The following PHACTR1 variants were observed in gnomAD, a reference collection of about 807,000 sequenced individuals.
PHACTR1 encodes phosphatase and actin regulator 1, also known as RPEL repeat containing 1.
In PHACTR1, 16 loss-of-function variants were observed where a neutral mutation model predicts 69.2. The observed-to-expected ratio is 0.23, with a 90% CI of 0.16 to 0.35. PHACTR1 has a LOEUF of 0.35. Ranked by LOEUF, PHACTR1 falls within the 10% of genes least tolerant of loss-of-function variation. The pLI is 1.00. For synonymous variants in PHACTR1, 312 were observed against 284.5 expected (o/e 1.10, Z -0.97); for missense variants, 510 against 734.7 (o/e 0.69, Z 3.54).
intron 4 of PHACTR1, chr6:12,957,867 G>A: frequency 1.0e-6 from 1 of 985,502 alleles, no homozygotes; most frequent in African/African-American, 1.7e-5. Flanking sequence ...AGGCGAAGGG[G>A]CTGCCTGGCA....
At chr6:13,067,945 C>G (rs1314353881) in intron 5 of PHACTR1, among the ~76,000 whole-genome samples, 4 of 152,092 alleles carry the variant, frequency 2.6e-5, no homozygotes, top group Non-Finnish European at 4.4e-5. Context: ...AACTCTGGAG[C>G]CTGACTGCTG....
chr6:12,922,980 T>C (rs114831231), intron 4 of PHACTR1, among the ~76,000 whole-genome samples: 2,213 of 152,356 alleles, frequency 0.015, 49 homozygotes, highest in African/African-American at 0.05. Flanking sequence ...AAATACTTAC[T>C]GAATGTTTTC....
intron 4 of PHACTR1, among the ~76,000 whole-genome samples, chr6:13,049,547 A>G (rs753007364): frequency 6.6e-6 from 1 of 152,190 alleles, no homozygotes; most frequent in Non-Finnish European, 1.5e-5. Context: ...TTGAGAATCA[A>G]AGAATGATAG....
intron 3 of PHACTR1, among the ~76,000 whole-genome samples, chr6:12,746,978 A>G (rs1581562112): frequency 6.6e-6 from 1 of 152,234 alleles, no homozygotes; most frequent in African/African-American, 2.4e-5. Flanking sequence ...CCTGAACCCG[A>G]AAGTTGTAAT....
At chr6:13,241,223 C>G (rs1192749133) in intron 10 of PHACTR1, among the ~76,000 whole-genome samples, 2 of 152,152 alleles carry the variant, frequency 1.3e-5, no homozygotes, top group Non-Finnish European at 2.9e-5. Context: ...GTTCTTCTAT[C>G]TCGGGCTTAA....
At chr6:13,152,760 A>G (rs1342793405) in intron 5 of PHACTR1, among the ~76,000 whole-genome samples, 1 of 152,224 alleles carries the variant, frequency 6.6e-6, no homozygotes, top group East Asian at 1.9e-4. Flanking sequence ...GACAACTGCC[A>G]TTGAAAAGAT....
chr6:13,207,761 C>T (rs1162239865), intron 8 of PHACTR1, among the ~76,000 whole-genome samples: 1 of 152,182 alleles, frequency 6.6e-6, no homozygotes, highest in Non-Finnish European at 1.5e-5. Context: ...GAGCTGAATG[C>T]TTGTCCCATA....
chr6:12,789,474 T>C (rs1461700516), intron 4 of PHACTR1, among the ~76,000 whole-genome samples: 2 of 152,136 alleles, frequency 1.3e-5, no homozygotes, highest in African/African-American at 4.8e-5. Context: ...TGATCTCAAT[T>C]GCTATTATGA....
intron 4 of PHACTR1, among the ~76,000 whole-genome samples, chr6:12,843,737 A>G (rs556009312): frequency 1.3e-5 from 2 of 152,370 alleles, no homozygotes; most frequent in South Asian, 4.1e-4. Flanking sequence ...AACTGACATT[A>G]AATGAAGGAG....
At chr6:12,922,936 C>A (rs1310505558) in intron 4 of PHACTR1, among the ~76,000 whole-genome samples, 1 of 152,138 alleles carries the variant, frequency 6.6e-6, no homozygotes, top group Admixed American at 6.5e-5. Context: ...GCATCAGACC[C>A]CGGAGTAAAT....
At chr6:12,857,662 G>A (rs1780534987) in intron 4 of PHACTR1, among the ~76,000 whole-genome samples, 1 of 151,522 alleles carries the variant, frequency 6.6e-6, no homozygotes, top group African/African-American at 2.4e-5. Flanking sequence ...AGACGATCTT[G>A]CTGAATGAAC....
chr6:12,936,614 T>C, intron 4 of PHACTR1, among the ~76,000 whole-genome samples: 1 of 152,220 alleles, frequency 6.6e-6, no homozygotes, highest in African/African-American at 2.4e-5. Context: ...ACATGTTCCA[T>C]AGGATATTGT....
intron 5 of PHACTR1, among the ~76,000 whole-genome samples, chr6:13,151,797 G>C (rs1824352845): frequency 6.6e-6 from 1 of 152,168 alleles, no homozygotes; most frequent in African/African-American, 2.4e-5. Flanking sequence ...CGGGGAAAAA[G>C]ATGGAGGCAG....
At chr6:12,738,552 T>G (rs1035195348) in intron 3 of PHACTR1, among the ~76,000 whole-genome samples, 1 of 152,302 alleles carries the variant, frequency 6.6e-6, no homozygotes, top group Middle Eastern at 3.4e-3. Flanking sequence ...ACGAGCCAGC[T>G]CTCAGCATTC....
chr6:12,907,894 T>C (rs9472897), intron 4 of PHACTR1, among the ~76,000 whole-genome samples: 1,581 of 152,346 alleles, frequency 0.01, 26 homozygotes, highest in African/African-American at 0.037. Context: ...CTTGAGGCCT[T>C]TTCTTACGAT....
At chr6:13,058,252 T>G (rs1807104414) in intron 5 of PHACTR1, among the ~76,000 whole-genome samples, 1 of 152,178 alleles carries the variant, frequency 6.6e-6, no homozygotes, top group Non-Finnish European at 1.5e-5. Flanking sequence ...GAGGACTGTA[T>G]TTATAGAAAA....
At chr6:12,783,985 T>C (rs888612737) in intron 4 of PHACTR1, among the ~76,000 whole-genome samples, 9 of 152,064 alleles carry the variant, frequency 5.9e-5, no homozygotes, top group Non-Finnish European at 2.9e-5. Flanking sequence ...TACACACACA[T>C]ATATCTATAC....
intron 7 of PHACTR1, among the ~76,000 whole-genome samples, chr6:13,194,272 G>A (rs564779628): frequency 8.1e-4 from 123 of 152,060 alleles, no homozygotes; most frequent in African/African-American, 2.7e-3. Context: ...GCGTGGTGGC[G>A]CGTGCCTGTA....
intron 4 of PHACTR1, among the ~76,000 whole-genome samples, chr6:12,771,783 C>A (rs1769420130): frequency 6.6e-6 from 1 of 152,160 alleles, no homozygotes; most frequent in Non-Finnish European, 1.5e-5. Flanking sequence ...ATCAGACTCC[C>A]ATGGAACATC....
Sources: allele counts gnomAD v4.1 joint callset (sites outside exome capture counted in the v4.1 genomes callset), GRCh38; gene constraint gnomAD v4.1.1; transcripts MANE v1.5; gene names NCBI Gene and HGNC (gene_info 2026-07-23, HGNC 2026-07-21).